The following STARD8 variants were observed in gnomAD, a reference collection of about 807,000 sequenced individuals.
STARD8 encodes the protein StAR related lipid transfer domain containing 8, also known as stAR-related lipid transfer protein 8.
A neutral mutation model predicts 69.4 loss-of-function variants in STARD8; 25 were observed. That is an observed-to-expected ratio of 0.36 (90% CI 0.26 to 0.50). STARD8 has a LOEUF of 0.50. Ranked by LOEUF, STARD8 falls within the 20% of genes least tolerant of loss-of-function variation. The pLI, the probability that STARD8 is intolerant of heterozygous loss-of-function variation, is 0.96. For missense variants in STARD8, 921 were observed against 932.5 expected (o/e 0.99, Z 0.16); for synonymous variants, 389 against 374.6 (o/e 1.04, Z -0.45).
At chrX:68,719,119 A>G (rs953374165) in intron 6 of STARD8, 106 bp from the exon 7 acceptor site, 29 of 962,311 alleles carry the variant, frequency 3.0e-5, no homozygotes, top group Non-Finnish European at 3.8e-5. Flanking sequence ...AGCTCCCTGC[A>G]TTTTTTCTTT....
intron 2 of STARD8, among the ~76,000 whole-genome samples, chrX:68,697,292 T>C (rs1178701403): frequency 8.9e-6 from 1 of 111,855 alleles, no homozygotes; most frequent in African/African-American, 3.3e-5. Context: ...GTGATTGCTT[T>C]TGACTGAGGG....
intron 2 of STARD8, among the ~76,000 whole-genome samples, chrX:68,674,538 A>T (rs1284013326): frequency 1.8e-5 from 2 of 110,992 alleles, no homozygotes; most frequent in Non-Finnish European, 3.8e-5. Flanking sequence ...TCACATCTGA[A>T]ACAGAGCCAG....
intron 2 of STARD8, among the ~76,000 whole-genome samples, chrX:68,699,152 C>T (rs746541271): frequency 8.9e-6 from 1 of 111,841 alleles, no homozygotes. Context: ...GTCGTACCAG[C>T]CCAAGGTGCT....
At chrX:68,688,083 G>A (rs1181414551) in intron 2 of STARD8, among the ~76,000 whole-genome samples, 5 of 112,681 alleles carry the variant, frequency 4.4e-5, no homozygotes, top group African/African-American at 3.2e-5. Flanking sequence ...CTGGCTGAGG[G>A]CAAATCAGAA....
chrX:68,696,924 T>A (rs1166334126), intron 2 of STARD8, among the ~76,000 whole-genome samples: 3 of 111,115 alleles, frequency 2.7e-5, no homozygotes, highest in African/African-American at 6.6e-5. Flanking sequence ...TTCAAAAAAA[T>A]TATTGTGAAT....
At position 68,717,891 on chromosome X, in the gene STARD8, G is replaced by A. The variant is rs762274634; in HGVS notation, c.977G>A (p.Arg326His). The stretch of plus-strand genomic sequence containing the variant: ...AGCCTGTGTCCTGAGGATGGACACC[G>A]CCTGGCAGACTGGCAGCCAGGTAGG... ...IESLCPEDGHRLADWQPGRRW... is the reference protein window; with the variant it reads ...IESLCPEDGHHLADWQPGRRW... Residue 326 changes from arginine (R) to histidine (H), a missense_variant, in exon 6 of 15, where the codon CGC becomes CAC. Physicochemically the swap from Arg to His is conservative, Grantham distance 29. Transcript: ENST00000374599. 19 of 1,207,229 alleles carry A rather than the reference G, an allele frequency of 1.6e-5. No individual in the cohort carries two copies. The highest frequency in any genetic ancestry group is 5.3e-5 in the South Asian group (3 of 56,245).
At chrX:68,661,970 C>CTCTCTTTCTTTCTTTCTT (rs1556020285) in intron 1 of STARD8, among the ~76,000 whole-genome samples, 2 of 56,003 alleles carry the variant, frequency 3.6e-5, no homozygotes, top group Non-Finnish European at 3.0e-5. Context: ...CTCTCTCTCT[C>CTCTCTTTCTTTCTTTCTT]TCTTTCTTTC....
At chrX:68,670,303 T>G (rs2079720405) in intron 2 of STARD8, among the ~76,000 whole-genome samples, 1 of 111,643 alleles carries the variant, frequency 9.0e-6, no homozygotes. Context: ...CTAGAGGGTC[T>G]CAAGATTTTG....
At chrX:68,675,223 G>A (rs1433145964) in intron 2 of STARD8, among the ~76,000 whole-genome samples, 1 of 110,945 alleles carries the variant, frequency 9.0e-6, no homozygotes, top group African/African-American at 3.3e-5. Flanking sequence ...CTCCCAAAGC[G>A]CTGGGATTAC....
intron 2 of STARD8, among the ~76,000 whole-genome samples, chrX:68,708,691 C>G (rs1268623154): frequency 1.8e-5 from 2 of 112,242 alleles, no homozygotes; most frequent in Non-Finnish European, 3.8e-5. Flanking sequence ...TTTGTGCCAG[C>G]TGACTGCTGT....
At chrX:68,683,244 A>G (rs772773100) in intron 2 of STARD8, among the ~76,000 whole-genome samples, 1 of 112,400 alleles carries the variant, frequency 8.9e-6, no homozygotes, top group East Asian at 2.8e-4. Flanking sequence ...ATGTGGCCTG[A>G]GAGGCAGTAT....
At chrX:68,666,303 C>T (rs921350041) in intron 2 of STARD8, among the ~76,000 whole-genome samples, 11 of 112,334 alleles carry the variant, frequency 9.8e-5, no homozygotes, top group African/African-American at 3.6e-4. Context: ...CGTCCTGGCT[C>T]TAGCCTGACT....
At chrX:68,662,628 A>G (rs1166572358) in intron 1 of STARD8, among the ~76,000 whole-genome samples, 2 of 111,598 alleles carry the variant, frequency 1.8e-5, no homozygotes, top group Admixed American at 9.5e-5. Flanking sequence ...AGGCTTTGAT[A>G]CATCCTCATC....
Position 68,719,211 on chromosome X carries a change from C to T in STARD8, c.1716-14C>T. 1 of 1,169,552 alleles carries T rather than the reference C, an allele frequency of 8.6e-7. No homozygotes were observed. The highest frequency in any genetic ancestry group is 1.8e-5 in the African/African-American group (1 of 56,728). The stretch of plus-strand genomic sequence containing the variant: ...CCTCTGGGCTTCTCCACCCCTCTCA[C>T]CGCCCCCCACCAGGAAGCTCCGTTG... On this transcript the variant is annotated splice_polypyrimidine_tract_variant and intron_variant, in intron 6 of 14. Transcript: ENST00000374599.
In STARD8 at chrX:68,670,947, GC is replaced by G. The variant is rs759466154; in HGVS notation, c.79+5418del. ...TTTTCTTGTCACTCACACTAGCATA[GC>G]CCTCCATCTGGGCCCTAGCAGCTCT... On this transcript the variant is annotated intron_variant, in intron 2 of 14. Transcript: ENST00000374599. Among the ~76,000 whole-genome samples, 3 of 111,208 alleles carry G rather than the reference GC, an allele frequency of 2.7e-5. No homozygotes were observed. In the South Asian group the frequency reaches 1.2e-3, roughly 43 times the overall value.
At chrX:68,674,820 T>C (rs2079753984) in intron 2 of STARD8, among the ~76,000 whole-genome samples, 1 of 109,656 alleles carries the variant, frequency 9.1e-6, no homozygotes, top group South Asian at 4.0e-4. Context: ...TCTTGCTCTG[T>C]TGCCCAGGCT....
chrX:68,687,222 A>G (rs967707030), intron 2 of STARD8, among the ~76,000 whole-genome samples: 1 of 110,831 alleles, frequency 9.0e-6, no homozygotes, highest in Non-Finnish European at 1.9e-5. Flanking sequence ...GACACAGCCC[A>G]GCAACCCTGG....
At chrX:68,712,711 G>A (rs892536766) in intron 2 of STARD8, among the ~76,000 whole-genome samples, 2 of 111,942 alleles carry the variant, frequency 1.8e-5, no homozygotes, top group African/African-American at 3.3e-5. Flanking sequence ...CCAGACAGTA[G>A]GGCTTGGGGA....
At chrX:68,668,111 TTCTG>T (rs1366978437) in intron 2 of STARD8, among the ~76,000 whole-genome samples, 58 of 96,853 alleles carry the variant, frequency 6.0e-4, no homozygotes, top group East Asian at 2.7e-3. Flanking sequence ...CTTTCTTTCT[TTCTG>T]TCTTTCTTTC....
Sources: allele counts gnomAD v4.1 joint callset (sites outside exome capture counted in the v4.1 genomes callset), GRCh38; gene constraint gnomAD v4.1.1; transcripts MANE v1.5; gene names NCBI Gene and HGNC (gene_info 2026-07-23, HGNC 2026-07-21).